Variants in GPC6 observed in about 807,000 individuals in gnomAD.
GPC6 encodes the protein glypican-6.
In GPC6, 14 loss-of-function variants were observed where a neutral mutation model predicts 55.2. That is an observed-to-expected ratio of 0.25 (90% CI 0.17 to 0.40). The LOEUF (loss-of-function observed/expected upper bound fraction) is 0.40. Among genes scored for constraint, GPC6 ranks in the 10% least tolerant of loss-of-function variants. The probability of loss-of-function intolerance (pLI) is 1.00; values close to 1 mark genes in which losing one functional copy is unlikely to be tolerated. For synonymous variants in GPC6, 278 were observed against 259.6 expected, an observed-to-expected ratio of 1.07 and a Z score of -0.68; for missense variants, 641 against 708.5, an observed-to-expected ratio of 0.90 and a Z score of 1.08.
intron 1 of GPC6, among the ~76,000 whole-genome samples, chr13:93,433,793 C>G (rs1250955879): frequency 6.6e-6 from 1 of 152,074 alleles, no homozygotes; most frequent in Admixed American, 6.6e-5. Flanking sequence ...ATAACATAGT[C>G]TTTGCCTTAC....
rs535423063 is a variant in GPC6 at position 94,051,105 on chromosome 13, TC to T, written c.877+23212del. ...ATAAACCTAATTTCTCAAACTTTTT[TC>T]AAGGACTTAGAGCTCTGTAATGGAA... On this transcript the variant is annotated intron_variant, in intron 4 of 8. Coordinates refer to ENST00000377047, the MANE Select transcript of GPC6 (RefSeq NM_005708.5). 1.1e-4 allele frequency among the ~76,000 whole-genome samples: 17 copies of T among 152,268 alleles called. No homozygotes were observed. The East Asian group carries it at 3.3e-3, about 29-fold the overall frequency.
intron 1 of GPC6, among the ~76,000 whole-genome samples, chr13:93,260,812 G>A (rs1246715796): frequency 6.6e-6 from 1 of 151,950 alleles, no homozygotes; most frequent in African/African-American, 2.4e-5. Flanking sequence ...TAGCAAACAG[G>A]GGCATCAAAA....
chr13:94,134,088 G>A (rs927728558), intron 4 of GPC6, among the ~76,000 whole-genome samples: 8 of 152,122 alleles, frequency 5.3e-5, no homozygotes, highest in Admixed American at 3.9e-4. Flanking sequence ...GAGGTTAAAC[G>A]CTAATATTTC....
intron 1 of GPC6, among the ~76,000 whole-genome samples, chr13:93,258,254 T>C (rs1188728948): frequency 6.6e-6 from 1 of 152,130 alleles, no homozygotes; most frequent in Non-Finnish European, 1.5e-5. Flanking sequence ...CCAGTCTCAG[T>C]CTTTGCTTTG....
chr13:93,488,005 A>T (rs1358306729), intron 1 of GPC6, among the ~76,000 whole-genome samples: 2 of 152,222 alleles, frequency 1.3e-5, no homozygotes, highest in African/African-American at 4.8e-5. Context: ...GTTCTAGGGT[A>T]CATGTGCACA....
chr13:94,076,561 A>G (rs144263838), intron 4 of GPC6, among the ~76,000 whole-genome samples: 51 of 152,092 alleles, frequency 3.4e-4, no homozygotes, highest in African/African-American at 8.9e-4. Flanking sequence ...GCTAATGCCA[A>G]TGTCAAGAAG....
At chr13:93,461,675 G>A (rs200480821) in intron 1 of GPC6, among the ~76,000 whole-genome samples, 20 of 151,628 alleles carry the variant, frequency 1.3e-4, no homozygotes, top group Non-Finnish European at 2.1e-4. Context: ...GGGGGGTTGG[G>A]GGGGGGTGTT....
At chr13:93,681,135 TGAA>T (rs1188329230) in intron 2 of GPC6, among the ~76,000 whole-genome samples, 4 of 152,180 alleles carry the variant, frequency 2.6e-5, no homozygotes, top group Non-Finnish European at 5.9e-5. Context: ...TTGATAAGTA[TGAA>T]GAAGATAACT....
intron 6 of GPC6, among the ~76,000 whole-genome samples, chr13:94,354,696 G>T (rs1594199518): frequency 6.6e-6 from 1 of 152,212 alleles, no homozygotes; most frequent in Non-Finnish European, 1.5e-5. Context: ...AAAATGAAAA[G>T]AATGCAGACA....
At chr13:93,820,890 AGAGAT>A (rs1887022725) in intron 2 of GPC6, among the ~76,000 whole-genome samples, 1 of 152,182 alleles carries the variant, frequency 6.6e-6, no homozygotes, top group Admixed American at 6.5e-5. Context: ...AGGAATATAA[AGAGAT>A]GAGTGCATTG....
chr13:93,594,320 A>C (rs981991200), intron 2 of GPC6, among the ~76,000 whole-genome samples: 4 of 151,548 alleles, frequency 2.6e-5, no homozygotes, highest in African/African-American at 9.7e-5. Context: ...TCCTCCTCCC[A>C]CCCTTTATTC....
intron 2 of GPC6, among the ~76,000 whole-genome samples, chr13:93,639,668 C>T (rs956081144): frequency 8.6e-5 from 13 of 152,032 alleles, no homozygotes; most frequent in Admixed American, 4.6e-4. Context: ...ATTTGGTTTG[C>T]AAGAGGAGTC....
chr13:94,165,193 ATG>A (rs113708036), intron 4 of GPC6, among the ~76,000 whole-genome samples: 14 of 148,594 alleles, frequency 9.4e-5, no homozygotes, highest in South Asian at 4.2e-4. Context: ...TGATATATGT[ATG>A]TGTGTGTGTG....
In GPC6 at chr13:94,166,314, G is replaced by A. The variant is rs993094006; in HGVS notation, c.878-120035G>A. Among the ~76,000 whole-genome samples the A allele has an allele frequency of 4.6e-5, 7 of 152,236 alleles. No homozygotes were observed. The East Asian group carries it at 7.7e-4, about 17-fold the overall frequency. ...AAATTCAGAATTTTAAAAAATGTTCGTATTGTAAGACATCATAATAGCTCT... is the reference window on the plus strand; with the variant it reads ...AAATTCAGAATTTTAAAAAATGTTCATATTGTAAGACATCATAATAGCTCT... On this transcript the variant is annotated intron_variant, in intron 4 of 8. Transcript: ENST00000377047.
chr13:93,916,658 A>G (rs562650213), intron 3 of GPC6, among the ~76,000 whole-genome samples: 1 of 152,262 alleles, frequency 6.6e-6, no homozygotes, highest in East Asian at 1.9e-4. Flanking sequence ...AAACTAGAAG[A>G]GGTGCCATAA....
At chr13:94,185,016 T>C (rs1889122123) in intron 4 of GPC6, among the ~76,000 whole-genome samples, 1 of 152,076 alleles carries the variant, frequency 6.6e-6, no homozygotes, top group Non-Finnish European at 1.5e-5. Flanking sequence ...GTGGAGGACA[T>C]AATCCAAATG....
chr13:93,342,857 G>T (rs1880305965), intron 1 of GPC6, among the ~76,000 whole-genome samples: 1 of 152,150 alleles, frequency 6.6e-6, no homozygotes, highest in African/African-American at 2.4e-5. Flanking sequence ...AATTATCAAT[G>T]CTATTGTTTT....
chr13:93,480,104 A>G (rs965457379), intron 1 of GPC6, among the ~76,000 whole-genome samples: 4 of 152,218 alleles, frequency 2.6e-5, no homozygotes, highest in African/African-American at 9.6e-5. Flanking sequence ...ATTTCTGATA[A>G]GCAGTGTTAC....
chr13:93,261,748 A>G (rs1361822742), intron 1 of GPC6, among the ~76,000 whole-genome samples: 1 of 152,116 alleles, frequency 6.6e-6, no homozygotes, highest in Non-Finnish European at 1.5e-5. Flanking sequence ...GGTTGGACAA[A>G]CAGATAAGCT....
Sources: gnomAD v4.1 joint callset for allele counts (sites outside exome capture counted in the v4.1 genomes callset) on GRCh38, gnomAD v4.1.1 for gene constraint, MANE v1.5 for transcripts, NCBI Gene and HGNC (gene_info 2026-07-23, HGNC 2026-07-21) for gene names.